The following DNAAF4 variants were observed in gnomAD, a reference collection of about 807,000 sequenced individuals.
DNAAF4 encodes the protein dynein axonemal assembly factor 4.
In DNAAF4, 43 loss-of-function variants were observed where a neutral mutation model predicts 51.8. The ratio of observed to expected loss-of-function variants is 0.83; its 90% CI spans 0.65 to 1.07. The LOEUF (loss-of-function observed/expected upper bound fraction) is 1.07. Among genes scored for constraint, DNAAF4 ranks in the 50% least tolerant of loss-of-function variants. The pLI is 0.00. For synonymous variants in DNAAF4, 194 were observed against 165.6 expected, an observed-to-expected ratio of 1.17 and a Z score of -1.32; for missense variants, 581 against 493.0, an observed-to-expected ratio of 1.18 and a Z score of -1.69.
intron 5 of DNAAF4, among the ~76,000 whole-genome samples, chr15:55,462,678 A>C (rs937642654): frequency 1.6e-4 from 25 of 152,248 alleles, no homozygotes; most frequent in South Asian, 1.0e-3. Flanking sequence ...TGATGAACAC[A>C]GATGTAACAC....
intron 4 of DNAAF4, among the ~76,000 whole-genome samples, chr15:55,474,961 A>G (rs1401419795): frequency 6.6e-6 from 1 of 152,244 alleles, no homozygotes; most frequent in Non-Finnish European, 1.5e-5. Context: ...CCTGGGATAC[A>G]GAGACAGACT....
chr15:55,476,890 GC>G (rs955509900), intron 4 of DNAAF4, among the ~76,000 whole-genome samples: 1 of 152,136 alleles, frequency 6.6e-6, no homozygotes, highest in African/African-American at 2.4e-5. Flanking sequence ...GTTCTGGAGG[GC>G]CAGGCATGGT....
At chr15:55,427,974 T>C (rs1370423327), downstream of DNAAF4, among the ~76,000 whole-genome samples, 2 of 151,628 alleles carry the variant, frequency 1.3e-5, no homozygotes, top group East Asian at 1.9e-4. Context: ...TTTTTGGAGA[T>C]GGAGTTTCAC....
At chr15:55,461,775 A>C (rs1163914637) in intron 5 of DNAAF4, among the ~76,000 whole-genome samples, 1 of 152,180 alleles carries the variant, frequency 6.6e-6, no homozygotes, top group African/African-American at 2.4e-5. Context: ...ACAAGAAAAG[A>C]AATAACAAAG....
intron 6 of DNAAF4, among the ~76,000 whole-genome samples, chr15:55,445,456 T>TA (rs1414195276): frequency 6.6e-6 from 1 of 152,044 alleles, no homozygotes; most frequent in Non-Finnish European, 1.5e-5. Context: ...ACAGACACAG[T>TA]AACAATCTGA....
chr15:55,485,810 C>T (rs1043744232), intron 4 of DNAAF4, among the ~76,000 whole-genome samples: 9 of 151,802 alleles, frequency 5.9e-5, no homozygotes, highest in African/African-American at 1.9e-4. Context: ...CTGGCTAACA[C>T]GGTGAAACCC....
chr15:55,434,891 A>C lies in DNAAF4; in HGVS notation c.1047+14T>G. 6.3e-7 allele frequency: 1 copy of C among 1,589,854 alleles called. No homozygotes were observed. Among genetic ancestry groups the C allele is most frequent in the Non-Finnish European group, 8.5e-7 (1 of 1,171,686 alleles). On this transcript the variant is annotated intron_variant, in intron 8 of 9. Transcript: ENST00000321149. ...ATATTTAAAGCACCATATATCATAC[A>C]TAGATATCCATACCTTAGAAGAATC...
intron 3 of DNAAF4, 106 bp from the exon 4 acceptor site, chr15:55,491,362 A>G (rs776733720): frequency 5.3e-6 from 6 of 1,140,090 alleles, no homozygotes; most frequent in Non-Finnish European, 7.3e-6. Context: ...TTTGTACCCA[A>G]CTTCACAAGG....
At chr15:55,462,946 G>A (rs141208471) in intron 5 of DNAAF4, among the ~76,000 whole-genome samples, 159 of 152,286 alleles carry the variant, frequency 1.0e-3, no homozygotes, top group Middle Eastern at 3.4e-3. Context: ...CGAGGCAGAC[G>A]GATCATTTGA....
chr15:55,501,414 C>T (rs1394992476), intron 1 of DNAAF4, among the ~76,000 whole-genome samples: 1 of 118,260 alleles, frequency 8.5e-6, no homozygotes, highest in Non-Finnish European at 1.7e-5. Flanking sequence ...CTCGCTCTTT[C>T]GCCCAGGCTG....
chr15:55,467,781 TTGTC>T (rs1441712069), intron 4 of DNAAF4, among the ~76,000 whole-genome samples: 1 of 152,182 alleles, frequency 6.6e-6, no homozygotes, highest in African/African-American at 2.4e-5. Flanking sequence ...GCACTAGTAG[TTGTC>T]TGACACTTTC....
intron 6 of DNAAF4, among the ~76,000 whole-genome samples, chr15:55,446,146 G>GAA (rs2057803825): frequency 6.9e-6 from 1 of 144,034 alleles, no homozygotes; most frequent in Non-Finnish European, 1.5e-5. Context: ...CTTCCCAGAT[G>GAA]CGGCAGCCGG....
intron 4 of DNAAF4, among the ~76,000 whole-genome samples, chr15:55,487,238 A>T (rs145641602): frequency 0.055 from 8,315 of 152,154 alleles, 314 homozygotes; most frequent in South Asian, 0.099. Context: ...GATTGTAAAC[A>T]TACCAATCAG....
Position 55,471,238 on chromosome 15 carries a change from T to A in DNAAF4, c.406-4077A>T, listed in dbSNP as rs1465462665. 2.0e-5 allele frequency among the ~76,000 whole-genome samples: 3 copies of A among 152,280 alleles called. 1 individual carries two copies. The highest frequency in any genetic ancestry group is 7.2e-5 in the African/African-American group (3 of 41,564). On this transcript the variant is annotated intron_variant, in intron 4 of 9. Transcript: ENST00000321149. ...GCTGCAAGTTCCAGACAACTAGTCA[T>A]AGCTTGGTCTTTCTGGTGGCCAGCC...
At chr15:55,420,238 A>G (rs775509314) in intron 7 of DNAAF4, among the ~76,000 whole-genome samples, 2 of 152,126 alleles carry the variant, frequency 1.3e-5, no homozygotes, top group Non-Finnish European at 2.9e-5. Context: ...GATGTGAGAC[A>G]ATGTGGTATA....
chr15:55,459,935 C>T lies in DNAAF4; in HGVS notation c.637+6995G>A, dbSNP rs958296819. Among the ~76,000 whole-genome samples, 5 of 152,086 alleles carry T rather than the reference C, an allele frequency of 3.3e-5. No homozygotes were observed. In the East Asian group the frequency reaches 9.7e-4, roughly 30 times the overall value. On this transcript the variant is annotated intron_variant, in intron 5 of 9. Transcript: ENST00000321149. ...GCCTGGCTGGTCTCAAACTCCTGAC[C>T]TCGTAATCTGCCCGCCTCGGCCTCC... is the stretch of plus-strand genomic sequence containing the variant.
rs555382015 is a variant in DNAAF4 at position 55,486,862 on chromosome 15, T to C, written c.405+4261A>G. Among the ~76,000 whole-genome samples, 11 of 152,180 alleles carry C rather than the reference T, an allele frequency of 7.2e-5. No individual in the cohort carries two copies. In the East Asian group the frequency reaches 2.1e-3, roughly 29 times the overall value. On this transcript the variant is annotated intron_variant, in intron 4 of 9. Transcript: ENST00000321149. ...GAAAACTGCTCCATCATCAATCTTC[T>C]CTCTTCATTGTATTATTAACCTTTC...
At chr15:55,466,906 T>G in intron 5 of DNAAF4, 24 bp downstream of exon 5, 1 of 1,580,856 alleles carries the variant, frequency 6.3e-7, no homozygotes, top group Non-Finnish European at 8.5e-7. Context: ...GACTCACTAC[T>G]CAAGAAATTC....
At chr15:55,433,857 TAA>T (rs1381977313) in intron 8 of DNAAF4, among the ~76,000 whole-genome samples, 2 of 46,938 alleles carry the variant, frequency 4.3e-5, no homozygotes, top group African/African-American at 7.5e-5. Flanking sequence ...ATATATATTA[TAA>T]TATATATTAT....
Sources: allele counts gnomAD v4.1 joint callset (sites outside exome capture counted in the v4.1 genomes callset), GRCh38; gene constraint gnomAD v4.1.1; transcripts MANE v1.5; gene names NCBI Gene and HGNC (gene_info 2026-07-23, HGNC 2026-07-21).